Variants in PITPNC1 observed in about 807,000 individuals in gnomAD.
PITPNC1 encodes the protein phosphatidylinositol transfer protein cytoplasmic 1.
A neutral mutation model predicts 44.7 loss-of-function variants in PITPNC1; 18 were observed. The ratio of observed to expected loss-of-function variants is 0.40; its 90% CI spans 0.28 to 0.60. The LOEUF is 0.60. PITPNC1 is among the 20% of genes least tolerant of loss of function. The pLI, the probability that PITPNC1 is intolerant of heterozygous loss-of-function variation, is 0.39. For synonymous variants in PITPNC1, 141 were observed against 149.6 expected (o/e 0.94, Z 0.42); for missense variants, 290 against 418.4 (o/e 0.69, Z 2.68).
intron 1 of PITPNC1, among the ~76,000 whole-genome samples, chr17:67,454,820 CT>C (rs35832239): frequency 0.28 from 36,065 of 127,524 alleles, 4,083 homozygotes; most frequent in African/African-American, 0.33. Context: ...TTTTATTTTC[CT>C]TTTTTTTTTT....
At chr17:67,623,109 CAAAAAA>C (rs1198070826) in intron 5 of PITPNC1, among the ~76,000 whole-genome samples, 9 of 85,290 alleles carry the variant, frequency 1.1e-4, no homozygotes, top group Admixed American at 1.5e-4. Flanking sequence ...TCCCAAAAGC[CAAAAAA>C]AAAAAAAAAA....
rs190017711 is a variant in PITPNC1 at position 67,694,342 on chromosome 17, C to T, written c.*1454C>T. The T allele has an allele frequency of 4.6e-5, 7 of 152,250 alleles. No homozygotes were observed. The highest frequency in any genetic ancestry group is 8.8e-5 in the Non-Finnish European group (6 of 68,076). The allele number at this position is 152,250 out of a possible 1,614,324, so 9.4% of individuals were successfully genotyped here. ...CCACGCCCCAGCTAGCCTTCCTGAT[C>T]GTAACCTCCAACCTCAGGAAAGGGA... On this transcript the variant is annotated 3_prime_UTR_variant, in exon 9 of 9. Transcript: ENST00000581322.
At chr17:67,386,855 GAGA>G (rs2038061959) in intron 1 of PITPNC1, among the ~76,000 whole-genome samples, 1 of 152,076 alleles carries the variant, frequency 6.6e-6, no homozygotes, top group African/African-American at 2.4e-5. Context: ...AACTTGTACT[GAGA>G]AGGTTTTATG....
chr17:67,566,485 T>A (rs920610067), intron 4 of PITPNC1, among the ~76,000 whole-genome samples: 11 of 152,230 alleles, frequency 7.2e-5, no homozygotes, highest in Non-Finnish European at 1.5e-4. Flanking sequence ...ATTACAGGCA[T>A]GAGCCACCCA....
At chr17:67,599,034 A>ATAT (rs1461493250) in intron 5 of PITPNC1, among the ~76,000 whole-genome samples, 22 of 35,664 alleles carry the variant, frequency 6.2e-4, no homozygotes, top group Admixed American at 4.7e-3. Flanking sequence ...ATATATATAT[A>ATAT]TTTTTTTTTT....
intron 1 of PITPNC1, among the ~76,000 whole-genome samples, chr17:67,473,942 C>T (rs1459304425): frequency 6.6e-6 from 1 of 152,166 alleles, no homozygotes; most frequent in Non-Finnish European, 1.5e-5. Context: ...TTTGTTTCTT[C>T]TCCAGGTATT....
At chr17:67,479,168 G>A (rs993735609) in intron 1 of PITPNC1, among the ~76,000 whole-genome samples, 2 of 152,182 alleles carry the variant, frequency 1.3e-5, no homozygotes, top group Non-Finnish European at 2.9e-5. Flanking sequence ...TGAGCAGACA[G>A]TTATGAGCCA....
chr17:67,416,449 C>G (rs1402842178), intron 1 of PITPNC1, among the ~76,000 whole-genome samples: 1 of 152,030 alleles, frequency 6.6e-6, no homozygotes, highest in Non-Finnish European at 1.5e-5. Context: ...CACCTGACCT[C>G]AAATGATCCT....
At chr17:67,575,874 C>CCTTTTTTTT (rs777390217) in intron 4 of PITPNC1, among the ~76,000 whole-genome samples, 4 of 18,558 alleles carry the variant, frequency 2.2e-4, no homozygotes, top group African/African-American at 4.4e-4. Flanking sequence ...TTCTTTCTTT[C>CCTTTTTTTT]TTTCCTTTTT....
chr17:67,618,391 T>C (rs184639052), intron 5 of PITPNC1, among the ~76,000 whole-genome samples: 1,433 of 138,534 alleles, frequency 0.01, 35 homozygotes, highest in African/African-American at 0.037. Flanking sequence ...AAAAAAGATA[T>C]GTATAACTTT....
chr17:67,518,483 C>G (rs952257542), intron 1 of PITPNC1, among the ~76,000 whole-genome samples: 4 of 137,082 alleles, frequency 2.9e-5, no homozygotes, highest in Non-Finnish European at 6.8e-5. Flanking sequence ...GTTGAAATCT[C>G]TACCAGGGCT....
At chr17:67,478,472 C>T (rs2949922) in intron 1 of PITPNC1, among the ~76,000 whole-genome samples, 61,602 of 151,950 alleles carry the variant, frequency 0.41, 12,781 homozygotes, top group Middle Eastern at 0.48. Flanking sequence ...CCTTCTCTGC[C>T]GTTTTCAACA....
At chr17:67,415,545 C>T (rs191053327) in intron 1 of PITPNC1, among the ~76,000 whole-genome samples, 1 of 152,210 alleles carries the variant, frequency 6.6e-6, no homozygotes, top group East Asian at 1.9e-4. Context: ...CAAATCAAAC[C>T]ACCGTTCCCC....
rs551117335 is a variant in PITPNC1 at position 67,377,925 on chromosome 17, G to T, written c.-230G>T. ...TGCAACACCGCGTTCCGGGAGGACC[G>T]GCCTCGGCGAGGGAGGAGGCGGGGG... On this transcript the variant is annotated 5_prime_UTR_variant, in exon 1 of 9. Coordinates refer to ENST00000581322, the MANE Select transcript of PITPNC1 (RefSeq NM_012417.4). The T allele has an allele frequency of 3.9e-4, 161 of 407,950 alleles. No homozygotes were observed. The highest frequency in any genetic ancestry group is 6.0e-4 in the Non-Finnish European group (140 of 232,414). 25.3% of individuals were successfully genotyped at this position (407,950 alleles called of 1,614,324 possible).
chr17:67,439,167 T>C (rs1257615969), intron 1 of PITPNC1, among the ~76,000 whole-genome samples: 1 of 152,216 alleles, frequency 6.6e-6, no homozygotes, highest in Non-Finnish European at 1.5e-5. Flanking sequence ...TAGGCATATA[T>C]TACCTGGATG....
chr17:67,378,429 G>A (rs1277739191), intron 1 of PITPNC1, among the ~76,000 whole-genome samples: 1 of 152,154 alleles, frequency 6.6e-6, no homozygotes, highest in Non-Finnish European at 1.5e-5. Context: ...GCTTTTCGGG[G>A]GCGCCCAGAA....
intron 5 of PITPNC1, among the ~76,000 whole-genome samples, chr17:67,604,900 T>C (rs905367917): frequency 6.6e-6 from 1 of 152,014 alleles, no homozygotes; most frequent in African/African-American, 2.4e-5. Flanking sequence ...GCCAACATCA[T>C]GAAGCCCCAT....
At chr17:67,422,518 C>G (rs1238078675) in intron 1 of PITPNC1, among the ~76,000 whole-genome samples, 5 of 152,178 alleles carry the variant, frequency 3.3e-5, no homozygotes, top group Non-Finnish European at 7.3e-5. Context: ...ACCACACCCA[C>G]CTGCCCAGCC....
At chr17:67,625,171 C>T (rs2041881234) in intron 5 of PITPNC1, among the ~76,000 whole-genome samples, 1 of 151,874 alleles carries the variant, frequency 6.6e-6, no homozygotes, top group South Asian at 2.1e-4. Context: ...AACACTTTTC[C>T]TTCTCCCTGT....
Sources: allele counts gnomAD v4.1 joint callset (sites outside exome capture counted in the v4.1 genomes callset), GRCh38; gene constraint gnomAD v4.1.1; transcripts MANE v1.5; gene names NCBI Gene and HGNC (gene_info 2026-07-23, HGNC 2026-07-21).